The following TCF12 variants were observed in gnomAD, a reference collection of about 807,000 sequenced individuals.
TCF12 encodes the protein transcription factor 12.
Under a neutral mutation model 86.0 loss-of-function variants are expected in TCF12, and 45 were observed. That is an observed-to-expected ratio of 0.52 (90% CI 0.41 to 0.67). The LOEUF (loss-of-function observed/expected upper bound fraction) is 0.67. Among genes scored for constraint, TCF12 ranks in the 30% least tolerant of loss-of-function variants. TCF12 has a pLI of 0.00. For missense variants in TCF12, 881 were observed against 859.9 expected, an observed-to-expected ratio of 1.02 and a Z score of -0.31; for synonymous variants, 330 against 299.6, an observed-to-expected ratio of 1.10 and a Z score of -1.05.
chr15:57,055,495 T>C (rs370790367), intron 3 of TCF12, among the ~76,000 whole-genome samples: 10 of 152,234 alleles, frequency 6.6e-5, no homozygotes, highest in African/African-American at 2.4e-4. Context: ...TTCTTAATTT[T>C]CTGTTATTTG....
intron 3 of TCF12, among the ~76,000 whole-genome samples, chr15:56,998,490 A>C (rs1366245836): frequency 6.6e-6 from 1 of 151,144 alleles, no homozygotes; most frequent in African/African-American, 2.4e-5. Context: ...CTTGAAGGAG[A>C]CTATCAACCA....
At position 57,232,420 on chromosome 15, in the gene TCF12, A is replaced by C; in HGVS notation, c.815A>C (p.His272Pro). 1 of 1,606,968 alleles carries C rather than the reference A, an allele frequency of 6.2e-7. No homozygotes were observed. Among genetic ancestry groups the C allele is most frequent in the East Asian group, 2.2e-5 (1 of 44,830 alleles). ...AGTAGTTATGGCAACCTTCATTCAC[A>C]TGACCGCTTGGTAGGCTATAACACG... ...QSSSYGNLHS[H>P]DRLSYPPHSV... The change falls in exon 10 of 21, where the codon CAT (histidine) becomes CCT (proline). Residue 272 changes from histidine to proline, a missense_variant. His to Pro is a moderately conservative substitution (Grantham distance 77, BLOSUM62 -2). Coordinates refer to ENST00000333725, the MANE Select transcript of TCF12 (RefSeq NM_207037.2).
chr15:57,097,556 T>C (rs1354021999), intron 5 of TCF12, among the ~76,000 whole-genome samples: 3 of 151,884 alleles, frequency 2.0e-5, no homozygotes, highest in African/African-American at 4.8e-5. Flanking sequence ...AAAAAAGATA[T>C]GTAGTTTGAT....
At chr15:56,945,031 T>C (rs114888917) in intron 3 of TCF12, among the ~76,000 whole-genome samples, 1,766 of 152,282 alleles carry the variant, frequency 0.012, 32 homozygotes, top group African/African-American at 0.04. Context: ...TTTTGCACTT[T>C]CAATTTATAG....
At chr15:57,238,637 G>A (rs1465069566) in intron 12 of TCF12, among the ~76,000 whole-genome samples, 1 of 152,110 alleles carries the variant, frequency 6.6e-6, no homozygotes, top group Non-Finnish European at 1.5e-5. Context: ...ACCATTTATT[G>A]AGTCCTGCTT....
chr15:56,937,793 T>G (rs1317860569), intron 3 of TCF12, among the ~76,000 whole-genome samples: 2 of 152,178 alleles, frequency 1.3e-5, no homozygotes, highest in Non-Finnish European at 1.5e-5. Flanking sequence ...TTCCCACATC[T>G]GCATCTATCA....
chr15:57,016,910 T>G (rs747834438), intron 3 of TCF12, among the ~76,000 whole-genome samples: 4 of 152,204 alleles, frequency 2.6e-5, no homozygotes, highest in Non-Finnish European at 4.4e-5. Context: ...AGATCTGGGC[T>G]TCCTAAACTC....
At chr15:56,967,666 G>A (rs2062070507) in intron 3 of TCF12, among the ~76,000 whole-genome samples, 1 of 152,190 alleles carries the variant, frequency 6.6e-6, no homozygotes, top group Admixed American at 6.5e-5. Flanking sequence ...AGATCATTGG[G>A]ACTTGTTCTG....
chr15:57,085,597 G>A (rs1453592822), intron 4 of TCF12, among the ~76,000 whole-genome samples: 2 of 152,182 alleles, frequency 1.3e-5, no homozygotes, highest in Non-Finnish European at 2.9e-5. Context: ...GAGAGAGACA[G>A]TGACATTCAA....
At chr15:57,065,791 GA>G (rs1457699616) in intron 4 of TCF12, among the ~76,000 whole-genome samples, 1 of 152,062 alleles carries the variant, frequency 6.6e-6, no homozygotes, top group Non-Finnish European at 1.5e-5. Context: ...GGTCAAATGT[GA>G]AATGCTGTAT....
chr15:57,204,136 A>T (rs1254364422), intron 8 of TCF12, among the ~76,000 whole-genome samples: 2 of 152,116 alleles, frequency 1.3e-5, no homozygotes, highest in Non-Finnish European at 2.9e-5. Context: ...TTAGTCACTG[A>T]CTGTAATTTA....
At chr15:56,928,514 A>G (rs1002110129) in intron 3 of TCF12, among the ~76,000 whole-genome samples, 3 of 152,212 alleles carry the variant, frequency 2.0e-5, no homozygotes, top group Non-Finnish European at 2.9e-5. Context: ...TACAAGAGCA[A>G]CAAGTCAGAG....
chr15:57,025,301 AAT>A (rs1208820930), intron 3 of TCF12, among the ~76,000 whole-genome samples: 3 of 152,142 alleles, frequency 2.0e-5, no homozygotes, highest in African/African-American at 7.2e-5. Flanking sequence ...GCTGGTCTCG[AAT>A]TCCTGACCTC....
At chr15:56,983,060 A>C (rs1473583525) in intron 3 of TCF12, among the ~76,000 whole-genome samples, 1 of 152,248 alleles carries the variant, frequency 6.6e-6, no homozygotes, top group Non-Finnish European at 1.5e-5. Context: ...AAATATTCTT[A>C]CACAAGGTTG....
chr15:57,276,552 CT>C (rs1309204319), intron 19 of TCF12, among the ~76,000 whole-genome samples: 2 of 152,046 alleles, frequency 1.3e-5, no homozygotes, highest in African/African-American at 4.8e-5. Flanking sequence ...TAATCTTGTG[CT>C]GAATACAGTG....
intron 3 of TCF12, among the ~76,000 whole-genome samples, chr15:56,932,607 C>T (rs974569226): frequency 1.4e-4 from 21 of 152,060 alleles, no homozygotes; most frequent in Middle Eastern, 3.4e-3. Flanking sequence ...GTGGCTCTGT[C>T]GCCCAGGCTG....
At chr15:57,194,974 C>G (rs1695032475) in intron 7 of TCF12, among the ~76,000 whole-genome samples, 1 of 152,172 alleles carries the variant, frequency 6.6e-6, no homozygotes, top group Non-Finnish European at 1.5e-5. Context: ...ATGATCTCGG[C>G]TCACTGCAAC....
chr15:56,997,294 TA>T (rs1327462671), intron 3 of TCF12, among the ~76,000 whole-genome samples: 3 of 152,146 alleles, frequency 2.0e-5, no homozygotes, highest in Non-Finnish European at 4.4e-5. Flanking sequence ...TATGCAGCCA[TA>T]AAAAGAACAA....
At chr15:56,940,765 C>A (rs74668253) in intron 3 of TCF12, among the ~76,000 whole-genome samples, 2 of 121,102 alleles carry the variant, frequency 1.7e-5, no homozygotes, top group Non-Finnish European at 3.3e-5. Flanking sequence ...TTCTCCTTCT[C>A]CTTCTTCTGA....
Sources: allele counts gnomAD v4.1 joint callset (sites outside exome capture counted in the v4.1 genomes callset), GRCh38; gene constraint gnomAD v4.1.1; transcripts MANE v1.5; gene names NCBI Gene and HGNC (gene_info 2026-07-23, HGNC 2026-07-21).